The following QTMAN variants were observed in gnomAD, a reference collection of about 807,000 sequenced individuals.
The protein encoded by QTMAN is queuosine-tRNA mannosyltransferase.
the QTMAN span, among the ~76,000 whole-genome samples, chr2:144,276,676 T>C: frequency 4.0e-3 from 610 of 152,308 alleles, 5 homozygotes; most frequent in African/African-American, 0.014. Context: ...TCATCAAAAA[T>C]TTAGATACTT....
At chr2:144,322,480 T>C in the QTMAN span, among the ~76,000 whole-genome samples, 2 of 152,204 alleles carry the variant, frequency 1.3e-5, no homozygotes, top group East Asian at 1.9e-4. Flanking sequence ...GTGAAAATTA[T>C]GTTGTTATAA....
chr2:144,150,068 A>T, the QTMAN span, among the ~76,000 whole-genome samples: 1 of 151,982 alleles, frequency 6.6e-6, no homozygotes, highest in African/African-American at 2.4e-5. Flanking sequence ...GCCCCATGAA[A>T]TCTTTTCAGT....
At chr2:144,139,039 A>G in the QTMAN span, among the ~76,000 whole-genome samples, 5 of 152,112 alleles carry the variant, frequency 3.3e-5, no homozygotes, top group East Asian at 9.6e-4. Flanking sequence ...GATATGCAAG[A>G]GAGTAAACAT....
the QTMAN span, chr2:144,007,110 ATG>A: frequency 9.1e-6 from 8 of 881,432 alleles, no homozygotes; most frequent in Non-Finnish European, 1.2e-5. Context: ...ACAAATTATT[ATG>A]TCAATCAACA....
the QTMAN span, among the ~76,000 whole-genome samples, chr2:144,057,278 C>CTT: frequency 6.6e-6 from 1 of 152,338 alleles, no homozygotes; most frequent in East Asian, 1.9e-4. Flanking sequence ...TTGAACAACT[C>CTT]TATCTCCTTC....
At chr2:144,246,649 T>C in the QTMAN span, among the ~76,000 whole-genome samples, 1 of 143,718 alleles carries the variant, frequency 7.0e-6, no homozygotes, top group East Asian at 2.1e-4. Context: ...GGGTCTCCAA[T>C]ATAGAGTCTC....
the QTMAN span, among the ~76,000 whole-genome samples, chr2:144,327,730 A>G: frequency 2.6e-5 from 4 of 152,146 alleles, no homozygotes; most frequent in Non-Finnish European, 5.9e-5. Flanking sequence ...CAAGACCCCA[A>G]CCACCTACCT....
At chr2:144,046,854 T>G in the QTMAN span, among the ~76,000 whole-genome samples, 892 of 152,318 alleles carry the variant, frequency 5.9e-3, 9 homozygotes, top group African/African-American at 0.021. Flanking sequence ...ACGGTACTTA[T>G]GAAGAAAGGA....
the QTMAN span, among the ~76,000 whole-genome samples, chr2:144,297,942 C>T: frequency 6.6e-6 from 1 of 151,810 alleles, no homozygotes; most frequent in Admixed American, 6.6e-5. Context: ...TGAATATAGA[C>T]TGTATAGTAT....
At chr2:144,313,641 C>A in the QTMAN span, among the ~76,000 whole-genome samples, 1 of 151,962 alleles carries the variant, frequency 6.6e-6, no homozygotes, top group Non-Finnish European at 1.5e-5. Context: ...TGGAAAATGT[C>A]CACATTAGAA....
the QTMAN span, among the ~76,000 whole-genome samples, chr2:144,020,507 T>C: frequency 6.6e-6 from 1 of 152,342 alleles, no homozygotes; most frequent in East Asian, 1.9e-4. Flanking sequence ...AGAGGTTTAA[T>C]TGAGCTGGTT....
the QTMAN span, among the ~76,000 whole-genome samples, chr2:144,326,021 T>C: frequency 2.0e-5 from 3 of 152,356 alleles, no homozygotes; most frequent in African/African-American, 7.2e-5. Flanking sequence ...CAGAGGTCTG[T>C]CTTCTTTATG....
chr2:144,068,122 A>G, the QTMAN span, among the ~76,000 whole-genome samples: 2 of 152,182 alleles, frequency 1.3e-5, no homozygotes, highest in Non-Finnish European at 1.5e-5. Flanking sequence ...ATTCCACTAA[A>G]ACATACACAC....
At chr2:144,175,542 T>C in the QTMAN span, among the ~76,000 whole-genome samples, 6 of 152,120 alleles carry the variant, frequency 3.9e-5, no homozygotes, top group African/African-American at 1.2e-4. Context: ...TAAATTCACA[T>C]GGCATCACAA....
At chr2:144,040,674 G>C in the QTMAN span, among the ~76,000 whole-genome samples, 1 of 152,148 alleles carries the variant, frequency 6.6e-6, no homozygotes, top group East Asian at 1.9e-4. Context: ...CAAAATAACA[G>C]TTTATGAGGA....
the QTMAN span, among the ~76,000 whole-genome samples, chr2:144,230,089 T>C: frequency 1.3e-5 from 2 of 152,184 alleles, no homozygotes; most frequent in Non-Finnish European, 2.9e-5. Context: ...TTTTCAGTTA[T>C]CTCCTTTCAA....
chr2:144,025,083 G>A, the QTMAN span, among the ~76,000 whole-genome samples: 8 of 152,080 alleles, frequency 5.3e-5, no homozygotes, highest in Non-Finnish European at 1.2e-4. Flanking sequence ...ACCTGCAAAC[G>A]CTAAACAGAG....
the QTMAN span, among the ~76,000 whole-genome samples, chr2:144,151,300 T>C: frequency 1.4e-4 from 21 of 152,284 alleles, no homozygotes; most frequent in South Asian, 3.7e-3. Flanking sequence ...AGTCATAATA[T>C]CTCCAACTAG....
the QTMAN span, among the ~76,000 whole-genome samples, chr2:144,098,848 A>G: frequency 1.0e-4 from 13 of 129,474 alleles, no homozygotes; most frequent in Admixed American, 4.8e-4. Context: ...TTTCTCTTAG[A>G]AAAAAAAAAA....
Sources: allele counts gnomAD v4.1 joint callset (sites outside exome capture counted in the v4.1 genomes callset), GRCh38; gene constraint gnomAD v4.1.1; transcripts MANE v1.5; gene names NCBI Gene and HGNC (gene_info 2026-07-23, HGNC 2026-07-21).